USP48: variants seen among roughly 807,000 people sequenced by gnomAD.
USP48 encodes the protein ubiquitin specific peptidase 48, also known as ubiquitin carboxyl-terminal hydrolase 48.
A neutral mutation model predicts 150.7 loss-of-function variants in USP48; 43 were observed. The observed-to-expected ratio is 0.29, with a 90% CI of 0.22 to 0.37. The LOEUF (loss-of-function observed/expected upper bound fraction) is 0.37. Among genes scored for constraint, USP48 ranks in the 10% least tolerant of loss-of-function variants. The pLI, the probability that USP48 is intolerant of heterozygous loss-of-function variation, is 1.00. For synonymous variants in USP48, 396 were observed against 425.9 expected (o/e 0.93, Z 0.86); for missense variants, 813 against 1,249.6 (o/e 0.65, Z 5.27).
At chr1:21,748,956 G>A (rs954002191) in intron 6 of USP48, among the ~76,000 whole-genome samples, 12 of 152,028 alleles carry the variant, frequency 7.9e-5, no homozygotes, top group African/African-American at 2.9e-4. Flanking sequence ...GTGTAAAAAC[G>A]ATATATGGGC....
At chr1:21,743,931 A>G (rs2097787865) in intron 8 of USP48, among the ~76,000 whole-genome samples, 1 of 152,186 alleles carries the variant, frequency 6.6e-6, no homozygotes, top group African/African-American at 2.4e-5. Context: ...CGAGGGTGGA[A>G]GGCAAGATCA....
intron 22 of USP48, among the ~76,000 whole-genome samples, chr1:21,698,000 G>A (rs147837642): frequency 1.3e-5 from 2 of 152,170 alleles, no homozygotes; most frequent in East Asian, 1.9e-4. Context: ...ATTTTTAGAT[G>A]AAGTCAAAGG....
chr1:21,753,535 C>G (rs2097822693), intron 3 of USP48, among the ~76,000 whole-genome samples: 2 of 143,696 alleles, frequency 1.4e-5, no homozygotes, highest in South Asian at 2.2e-4. Context: ...CTCTCAAAAA[C>G]AAAAAACAAG....
Position 21,680,854 on chromosome 1 carries a change from A to T in USP48, c.3059-20T>A. The T allele has an allele frequency of 6.4e-7, 1 of 1,571,778 alleles. No individual in the cohort carries two copies. The highest frequency in any genetic ancestry group is 8.6e-7 in the Non-Finnish European group (1 of 1,158,806). ...TACAAACTGAAAAAAAGAAAAAAAG[A>T]AGAATTCCAAATTGAAAAGATTGTC... is the stretch of plus-strand genomic sequence containing the variant. On this transcript the variant is annotated intron_variant, in intron 25 of 26. Transcript: ENST00000308271.
In USP48 at chr1:21,728,595, C is replaced by T; in HGVS notation, c.1425G>A (p.Leu475=). ...GKAKHEEVKE[L]YQRLPAGAEP... ...CAGCTCCAGCAGGTAACCTTTGGTA[C>T]AGCTCCTTAACCTCTTCGTGTTTTG... Residue 475 remains leucine, a synonymous_variant, in exon 11 of 27, where the codon CTG becomes CTA. Coordinates refer to ENST00000308271, the MANE Select transcript of USP48 (RefSeq NM_032236.8). 2 of 1,614,118 alleles carry T rather than the reference C, an allele frequency of 1.2e-6. No homozygotes were observed. Among genetic ancestry groups the T allele is most frequent in the Non-Finnish European group, 1.7e-6 (2 of 1,179,990 alleles).
Position 21,721,129 on chromosome 1 carries a change from T to A in USP48, c.1801A>T (p.Ser601Cys). 6.2e-7 allele frequency: 1 copy of A among 1,614,248 alleles called. No homozygotes were observed. The highest frequency in any genetic ancestry group is 1.7e-5 in the Admixed American group (1 of 60,028). Residue 601 changes from serine (S) to cysteine (C), a missense_variant, in exon 14 of 27, where the codon AGT (serine) becomes TGT (cysteine). Coordinates refer to ENST00000308271, the MANE Select transcript of USP48 (RefSeq NM_032236.8). Reference protein sequence around the residue: ...GFWVGKSSLRSWRQLALEQLD... With the variant: ...GFWVGKSSLRCWRQLALEQLD... The stretch of plus-strand genomic sequence containing the variant: ...TGTTCAAGAGCTAGCTGGCGCCAAC[T>A]CCGCAAGGAGGACTTCCCCACCCAA...
chr1:21,712,170 C>T (rs1480424229), intron 15 of USP48, among the ~76,000 whole-genome samples: 1 of 152,150 alleles, frequency 6.6e-6, no homozygotes, highest in African/African-American at 2.4e-5. Flanking sequence ...ACCAGTCTGG[C>T]CAACATGGCA....
Position 21,756,558 on chromosome 1 carries a change from G to T in USP48, c.400C>A (p.Gln134Lys), listed in dbSNP as rs1261607385. 1 of 1,574,008 alleles carries T rather than the reference G, an allele frequency of 6.4e-7. No homozygotes were observed. The highest frequency in any genetic ancestry group is 2.4e-5 in the East Asian group (1 of 41,898). Residue 134 changes from glutamine (Q) to lysine (K), a missense_variant, in exon 3 of 27, where the codon CAA (glutamine) becomes AAA (lysine). Physicochemically the swap from Gln to Lys is moderately conservative, Grantham distance 53. Transcript: ENST00000308271. ...CCTTTCCACCCACCTTTTTCTTCTT[G>T]GATGCCGTCTCCCAGCATGTAGTCA... Reference protein sequence around the residue: ...CSDYMLGDGIQEEKDYEPQTI... With the variant: ...CSDYMLGDGIKEEKDYEPQTI...
At chr1:21,689,352 T>C (rs1345570115) in intron 24 of USP48, among the ~76,000 whole-genome samples, 1 of 138,932 alleles carries the variant, frequency 7.2e-6, no homozygotes, top group Non-Finnish European at 1.6e-5. Flanking sequence ...TGGAGGGCAT[T>C]GGGGAGGGGA....
At chr1:21,699,170 C>T (rs1417650692) in intron 22 of USP48, among the ~76,000 whole-genome samples, 6 of 148,630 alleles carry the variant, frequency 4.0e-5, no homozygotes, top group Admixed American at 1.3e-4. Context: ...CCTGGGATTA[C>T]AGGCCCACAC....
chr1:21,767,105 G>A (rs1324535485), intron 1 of USP48, among the ~76,000 whole-genome samples: 1 of 151,976 alleles, frequency 6.6e-6, no homozygotes, highest in Non-Finnish European at 1.5e-5. Flanking sequence ...AAAATCCATG[G>A]CCTCCTGGGC....
intron 23 of USP48, among the ~76,000 whole-genome samples, chr1:21,694,237 C>T (rs1455687071): frequency 6.6e-6 from 1 of 151,962 alleles, no homozygotes; most frequent in African/African-American, 2.4e-5. Context: ...TAAAATAAAT[C>T]TATATAACAA....
chr1:21,732,606 C>A, intron 9 of USP48: 1 of 222,794 alleles, frequency 4.5e-6, no homozygotes, highest in South Asian at 5.0e-5. Context: ...TTAAAAACAG[C>A]ACTCTATCCA....
intron 25 of USP48, among the ~76,000 whole-genome samples, chr1:21,685,320 CTTTCT>C (rs1397013096): frequency 2.0e-5 from 3 of 146,796 alleles, no homozygotes; most frequent in African/African-American, 5.0e-5. Flanking sequence ...ATTGGAATTG[CTTTCT>C]TTTCTTTTTT....
At chr1:21,770,142 T>A (rs1372830339) in intron 1 of USP48, among the ~76,000 whole-genome samples, 2 of 149,300 alleles carry the variant, frequency 1.3e-5, no homozygotes, top group African/African-American at 4.9e-5. Context: ...GGGCAACATA[T>A]TGAGACCTCG....
intron 9 of USP48, among the ~76,000 whole-genome samples, chr1:21,730,438 A>C (rs1280045098): frequency 6.6e-6 from 1 of 151,428 alleles, no homozygotes; most frequent in African/African-American, 2.4e-5. Flanking sequence ...TGTCTCATGA[A>C]AAAGAAAAAG....
intron 26 of USP48, among the ~76,000 whole-genome samples, chr1:21,680,474 T>C (rs2097562916): frequency 6.6e-6 from 1 of 152,186 alleles, no homozygotes; most frequent in South Asian, 2.1e-4. Flanking sequence ...AGGAGGGGAC[T>C]TGATAGGAAG....
intron 1 of USP48, among the ~76,000 whole-genome samples, chr1:21,779,900 C>G (rs2097910280): frequency 6.6e-6 from 1 of 152,100 alleles, no homozygotes; most frequent in Non-Finnish European, 1.5e-5. Context: ...AGGGCCTAAC[C>G]AGAAAAACAG....
intron 8 of USP48, among the ~76,000 whole-genome samples, chr1:21,738,425 G>C (rs1187106224): frequency 1.4e-5 from 2 of 142,230 alleles, no homozygotes; most frequent in African/African-American, 2.6e-5. Flanking sequence ...GTGTGATCTC[G>C]GCCCACTGCA....
Sources: allele counts gnomAD v4.1 joint callset (sites outside exome capture counted in the v4.1 genomes callset), GRCh38; gene constraint gnomAD v4.1.1; transcripts MANE v1.5; gene names NCBI Gene and HGNC (gene_info 2026-07-23, HGNC 2026-07-21).